Variants in CYTH3 observed in about 807,000 individuals in gnomAD.
CYTH3 encodes the protein cytohesin 3.
Under a neutral mutation model 55.1 loss-of-function variants are expected in CYTH3, and 23 were observed. That is an observed-to-expected ratio of 0.42 (90% CI 0.30 to 0.59). The LOEUF (loss-of-function observed/expected upper bound fraction) is 0.59, where lower values mean the gene tolerates loss of function less well. Among genes scored for constraint, CYTH3 ranks in the 20% least tolerant of loss-of-function variants. The pLI, the probability that CYTH3 is intolerant of heterozygous loss-of-function variation, is 0.20. For synonymous variants in CYTH3, 249 were observed against 194.9 expected (o/e 1.28, Z -2.31); for missense variants, 413 against 524.8 (o/e 0.79, Z 2.08).
In CYTH3 at chr7:6,173,114, G is replaced by T. The variant is rs532869021; in HGVS notation, c.449+539C>A. Reference sequence around the variant, plus strand: ...GGCCCAGAACAGATGAAGAGCCCACGCGACTCAGCCAGGGCACCAAGGAAG... The same window carrying T: ...GGCCCAGAACAGATGAAGAGCCCACTCGACTCAGCCAGGGCACCAAGGAAG... On this transcript the variant is annotated intron_variant, in intron 6 of 12. Transcript: ENST00000350796. 5.1e-6 allele frequency: 5 copies of T among 980,118 alleles called. No individual in the cohort carries two copies. The African/African-American group carries it at 8.7e-5, about 17-fold the overall frequency. The allele number at this position is 980,118 out of a possible 1,614,324, so 60.7% of individuals were successfully genotyped here.
chr7:6,200,392 G>A (rs1784032008), intron 1 of CYTH3, among the ~76,000 whole-genome samples: 1 of 152,126 alleles, frequency 6.6e-6, no homozygotes, highest in Admixed American at 6.5e-5. Flanking sequence ...TATGAACTGT[G>A]GCCAGAACCC....
intron 1 of CYTH3, among the ~76,000 whole-genome samples, chr7:6,225,784 G>A (rs12536879): frequency 1.1e-3 from 166 of 152,024 alleles, no homozygotes; most frequent in Admixed American, 9.6e-3. Flanking sequence ...GGTTCAAGCG[G>A]TTCTCCTGCC....
At chr7:6,257,835 T>C (rs1050317896) in intron 1 of CYTH3, among the ~76,000 whole-genome samples, 1 of 152,148 alleles carries the variant, frequency 6.6e-6, no homozygotes, top group Non-Finnish European at 1.5e-5. Flanking sequence ...CTGTCCCACA[T>C]GACAGGAAGT....
At position 6,238,177 on chromosome 7, in the gene CYTH3, A is replaced by G. The variant is rs989577516; in HGVS notation, c.34+34297T>C. ...ACCAGAATAAGAATGAACTACTACTATTTTAAGAGTTAGATGTGAGCTTTT... is the reference window on the plus strand; with the variant it reads ...ACCAGAATAAGAATGAACTACTACTGTTTTAAGAGTTAGATGTGAGCTTTT... On this transcript the variant is annotated intron_variant, in intron 1 of 12. Coordinates refer to ENST00000350796, the MANE Select transcript of CYTH3 (RefSeq NM_004227.4). Among the ~76,000 whole-genome samples, 97 of 152,360 alleles carry G rather than the reference A, an allele frequency of 6.4e-4. 1 individual carries two copies. The highest frequency in any genetic ancestry group is 2.0e-3 in the African/African-American group (84 of 41,586).
intron 3 of CYTH3, 58 bp downstream of exon 3, chr7:6,187,599 A>C: frequency 6.8e-7 from 1 of 1,474,832 alleles, no homozygotes; most frequent in African/African-American, 1.4e-5. Context: ...GTTTGACTAC[A>C]GGATGGAGGT....
chr7:6,173,760 A>G (rs571703007), intron 5 of CYTH3, 27 bp from the exon 6 acceptor site: 1 of 1,326,380 alleles, frequency 7.5e-7, no homozygotes, highest in Non-Finnish European at 1.1e-6. Flanking sequence ...TAAGTTTCAA[A>G]CCTAATGTAC....
chr7:6,259,705 T>G (rs568231633), intron 1 of CYTH3, among the ~76,000 whole-genome samples: 16 of 118,278 alleles, frequency 1.4e-4, no homozygotes, highest in African/African-American at 5.5e-4. Context: ...ATTTACTATT[T>G]TCCCCACAAA....
At chr7:6,251,792 G>A (rs370227035) in intron 1 of CYTH3, among the ~76,000 whole-genome samples, 1 of 152,060 alleles carries the variant, frequency 6.6e-6, no homozygotes, top group Non-Finnish European at 1.5e-5. Context: ...AATCTACAAA[G>A]AATAACTCAG....
intron 1 of CYTH3, among the ~76,000 whole-genome samples, chr7:6,259,772 T>TATATATATAATATA (rs1491219669): frequency 9.8e-5 from 3 of 30,502 alleles, no homozygotes; most frequent in African/African-American, 3.1e-4. Context: ...TATATATATA[T>TATATATATAATATA]TATATATATA....
chr7:6,178,778 ACT>A (rs917726242), intron 4 of CYTH3, among the ~76,000 whole-genome samples: 1 of 152,072 alleles, frequency 6.6e-6, no homozygotes, highest in Non-Finnish European at 1.5e-5. Context: ...GCTCATGCCC[ACT>A]CTGAGGGCTG....
intron 1 of CYTH3, among the ~76,000 whole-genome samples, chr7:6,259,141 G>C (rs947791552): frequency 1.3e-5 from 2 of 152,164 alleles, no homozygotes; most frequent in Admixed American, 6.5e-5. Context: ...GAATTATAAA[G>C]TTGCAGTAAG....
chr7:6,207,133 C>T (rs1583163875), intron 1 of CYTH3, among the ~76,000 whole-genome samples: 1 of 126,604 alleles, frequency 7.9e-6, no homozygotes, highest in Admixed American at 9.7e-5. Flanking sequence ...CTCACTCCGT[C>T]GCCCAGGCTG....
intron 1 of CYTH3, among the ~76,000 whole-genome samples, chr7:6,252,647 A>G (rs10252947): frequency 0.06 from 9,193 of 152,250 alleles, 640 homozygotes; most frequent in African/African-American, 0.16. Context: ...TGGATCCTGT[A>G]TTAGTCTCAG....
chr7:6,259,779 TA>T (rs1258817194), intron 1 of CYTH3, among the ~76,000 whole-genome samples: 1 of 20,154 alleles, frequency 5.0e-5, no homozygotes, highest in Non-Finnish European at 6.4e-5. Flanking sequence ...ATATTATATA[TA>T]TATAATATAT....
intron 1 of CYTH3, among the ~76,000 whole-genome samples, chr7:6,256,568 G>A (rs547622665): frequency 6.6e-6 from 1 of 152,344 alleles, no homozygotes; most frequent in Admixed American, 6.5e-5. Context: ...CATGCAAAGA[G>A]AGAAGCCCCC....
intron 1 of CYTH3, among the ~76,000 whole-genome samples, chr7:6,260,946 A>C (rs975313668): frequency 1.1e-4 from 17 of 152,320 alleles, no homozygotes; most frequent in African/African-American, 3.8e-4. Context: ...GTCCATTTTA[A>C]ATAGCAAAAT....
At chr7:6,257,198 T>C (rs1269932562) in intron 1 of CYTH3, among the ~76,000 whole-genome samples, 3 of 152,174 alleles carry the variant, frequency 2.0e-5, no homozygotes, top group African/African-American at 7.2e-5. Flanking sequence ...AATCAAAGTC[T>C]ACAATCACTC....
intron 1 of CYTH3, among the ~76,000 whole-genome samples, chr7:6,262,284 G>A (rs1006239053): frequency 6.6e-6 from 1 of 152,166 alleles, no homozygotes; most frequent in African/African-American, 2.4e-5. Flanking sequence ...AGCAATCAAT[G>A]AAGAGATAAT....
rs988759657 is a variant in CYTH3, at chr7:6,267,236, C to A, written c.34+5238G>T. 9.2e-5 allele frequency among the ~76,000 whole-genome samples: 14 copies of A among 152,172 alleles called. 1 individual carries two copies. Among genetic ancestry groups the A allele is most frequent in the South Asian group, 8.3e-4 (4 of 4,830 alleles). On this transcript the variant is annotated intron_variant, in intron 1 of 12. Transcript: ENST00000350796. The stretch of plus-strand genomic sequence containing the variant: ...CCTGCACAACCATGAGTCCATGAAA[C>A]CTCTTTCCTTTATATATAACCCAGG...
Sources: allele counts gnomAD v4.1 joint callset (sites outside exome capture counted in the v4.1 genomes callset), GRCh38; gene constraint gnomAD v4.1.1; transcripts MANE v1.5; gene names NCBI Gene and HGNC (gene_info 2026-07-23, HGNC 2026-07-21).